The following ZFHX3 variants were observed in gnomAD, a reference collection of about 807,000 sequenced individuals.
The protein encoded by ZFHX3 is zinc finger homeobox protein 3.
A neutral mutation model predicts 279.1 loss-of-function variants in ZFHX3; 42 were observed. That is an observed-to-expected ratio of 0.15 (90% CI 0.12 to 0.19). ZFHX3 has a LOEUF of 0.19. Ranked by LOEUF, ZFHX3 falls within the 10% of genes least tolerant of loss-of-function variation. The pLI is 1.00. For synonymous variants in ZFHX3, 2,293 were observed against 1,957.8 expected, an observed-to-expected ratio of 1.17 and a Z score of -4.52; for missense variants, 4,981 against 4,754.0, an observed-to-expected ratio of 1.05 and a Z score of -1.40.
rs758615850 is a variant in ZFHX3 at position 73,036,151 on chromosome 16, G to GTC, written c.-50+11599_-50+11600dup. Among the ~76,000 whole-genome samples, 649 of 151,236 alleles carry GTC rather than the reference G, an allele frequency of 4.3e-3. 5 individuals carry two copies. The highest frequency in any genetic ancestry group is 8.6e-3 in the South Asian group (41 of 4,784). On this transcript the variant is annotated intron_variant, in intron 1 of 9. Coordinates refer to ENST00000268489, the MANE Select transcript of ZFHX3 (RefSeq NM_006885.4). The stretch of plus-strand genomic sequence containing the variant: ...GCATAGACAGACTCTCTCTCTCTCT[G>GTC]TCTCTCTCTCTCTCTACAACTGGGG...
intron 2 of ZFHX3, among the ~76,000 whole-genome samples, chr16:73,522,346 A>C (rs1046786608): frequency 6.6e-6 from 1 of 152,212 alleles, no homozygotes; most frequent in Non-Finnish European, 1.5e-5. Context: ...CTTGTTCAGG[A>C]AACGCTTGTT....
intron 3 of ZFHX3, among the ~76,000 whole-genome samples, chr16:72,923,781 C>G (rs928056353): frequency 2.0e-5 from 3 of 152,140 alleles, no homozygotes; most frequent in Non-Finnish European, 4.4e-5. Flanking sequence ...CTAAGGAAAT[C>G]AGCACCACTA....
intron 1 of ZFHX3, among the ~76,000 whole-genome samples, chr16:73,860,638 A>C (rs1961856924): frequency 6.6e-6 from 1 of 152,222 alleles, no homozygotes; most frequent in Admixed American, 6.5e-5. Context: ...TCTTGGTAGA[A>C]AGGAAAACGT....
At chr16:73,076,592 A>G (rs1056940943) in intron 8 of ZFHX3, among the ~76,000 whole-genome samples, 1 of 152,232 alleles carries the variant, frequency 6.6e-6, no homozygotes, top group Admixed American at 6.5e-5. Flanking sequence ...AAGTAATATC[A>G]TCACTGTTTC....
chr16:73,162,617 A>C (rs531619215), intron 5 of ZFHX3, among the ~76,000 whole-genome samples: 1 of 152,118 alleles, frequency 6.6e-6, no homozygotes, highest in African/African-American at 2.4e-5. Flanking sequence ...GTAATGCACC[A>C]CACCCGGCTA....
chr16:72,797,580 A>G lies in ZFHX3; in HGVS notation c.5102T>C (p.Ile1701Thr), dbSNP rs1235969871. The G allele has an allele frequency of 3.7e-6, 6 of 1,613,954 alleles. No homozygotes were observed. In the African/African-American group the frequency reaches 5.3e-5, roughly 14 times the overall value. ...CTCTTTGGGCTCTGAAGGGGAAGCA[A>G]TGTTGGCACCAATAGGATTCCCCAG... ...PPLGNPIGAN[I>T]ASPSEPKEAN... The change falls in exon 9 of 10, where the codon ATT (isoleucine) becomes ACT (threonine). Residue 1701 changes from isoleucine (I) to threonine (T), a missense_variant. Physicochemically the swap from Ile to Thr is moderately conservative, Grantham distance 89. Around this residue, in one of 7 missense-constraint regions of ZFHX3, gnomAD observed 1,751 missense variants for 1,770.0 expected, o/e 0.99. Coordinates refer to ENST00000268489, the MANE Select transcript of ZFHX3 (RefSeq NM_006885.4).
chr16:73,720,356 T>C (rs991254561), intron 1 of ZFHX3, among the ~76,000 whole-genome samples: 2 of 152,180 alleles, frequency 1.3e-5, no homozygotes, highest in African/African-American at 4.8e-5. Context: ...TACCTATAGA[T>C]GTATGTATGA....
chr16:73,636,366 G>A (rs1287852700), intron 2 of ZFHX3, among the ~76,000 whole-genome samples: 1 of 152,140 alleles, frequency 6.6e-6, no homozygotes, highest in Non-Finnish European at 1.5e-5. Context: ...TAATTTTATT[G>A]TATTACTAAT....
At chr16:73,081,733 T>G (rs185274116) in intron 8 of ZFHX3, 13 of 152,334 alleles carry the variant, frequency 8.5e-5, no homozygotes, top group African/African-American at 3.1e-4. Context: ...TGGACTCTAG[T>G]GTGCAGAACT....
intron 3 of ZFHX3, among the ~76,000 whole-genome samples, chr16:73,371,415 C>T (rs755411031): frequency 7.2e-5 from 11 of 151,902 alleles, no homozygotes; most frequent in South Asian, 2.1e-4. Context: ...GACAGAGTCT[C>T]GCCCTATTGC....
chr16:73,371,338 A>G (rs899785976), intron 3 of ZFHX3, among the ~76,000 whole-genome samples: 1 of 151,924 alleles, frequency 6.6e-6, no homozygotes, highest in East Asian at 2.0e-4. Context: ...GAATTGTAGA[A>G]TGTTGCATAT....
intron 1 of ZFHX3, among the ~76,000 whole-genome samples, chr16:73,876,535 T>A (rs545220413): frequency 1.9e-4 from 29 of 152,356 alleles, no homozygotes; most frequent in Non-Finnish European, 4.0e-4. Context: ...AATTTGTATG[T>A]TTACATTAGC....
chr16:73,650,699 TAAC>T (rs1227793028), intron 2 of ZFHX3, among the ~76,000 whole-genome samples: 1 of 152,104 alleles, frequency 6.6e-6, no homozygotes, highest in African/African-American at 2.4e-5. Context: ...GAAACAACAA[TAAC>T]AACAAAAATT....
chr16:73,841,710 A>T (rs2142370286), intron 1 of ZFHX3, among the ~76,000 whole-genome samples: 1 of 152,340 alleles, frequency 6.6e-6, no homozygotes, highest in Middle Eastern at 3.4e-3. Context: ...TAAAGAATAA[A>T]GTTTCACCCC....
intron 3 of ZFHX3, among the ~76,000 whole-genome samples, chr16:72,933,888 G>A (rs961844003): frequency 1.4e-5 from 2 of 145,536 alleles, no homozygotes; most frequent in Admixed American, 7.1e-5. Context: ...TCGCGATCTC[G>A]GCTCACTGCA....
chr16:73,061,581 A>G (rs1700218183), upstream of ZFHX3: 1 of 152,052 alleles, frequency 6.6e-6, no homozygotes, highest in African/African-American at 2.4e-5. Context: ...AGGTCAGTGT[A>G]AAATGTAGCT....
intron 4 of ZFHX3, among the ~76,000 whole-genome samples, chr16:72,837,943 T>C (rs1365468186): frequency 6.6e-5 from 10 of 152,200 alleles, no homozygotes; most frequent in Non-Finnish European, 1.5e-4. Flanking sequence ...GTAATCATTT[T>C]ACCACAAGAA....
intron 5 of ZFHX3, among the ~76,000 whole-genome samples, chr16:73,183,132 G>A (rs1342987122): frequency 1.3e-5 from 2 of 152,196 alleles, no homozygotes; most frequent in African/African-American, 4.8e-5. Context: ...TTGAACCCAG[G>A]AAGCAGAGGT....
intron 4 of ZFHX3, among the ~76,000 whole-genome samples, chr16:72,871,349 T>A (rs2038156258): frequency 6.6e-6 from 1 of 150,432 alleles, no homozygotes; most frequent in African/African-American, 2.4e-5. Context: ...CTAATTTTTT[T>A]TTTTTTTTTT....
Sources: allele counts gnomAD v4.1 joint callset (sites outside exome capture counted in the v4.1 genomes callset), GRCh38; gene constraint gnomAD v4.1.1; regional missense constraint gnomAD v4.1.1; transcripts MANE v1.5; gene names NCBI Gene and HGNC (gene_info 2026-07-23, HGNC 2026-07-21).